The following PKP4 variants were observed in gnomAD, a reference collection of about 807,000 sequenced individuals.
PKP4 encodes plakophilin-4.
Under a neutral mutation model 145.1 loss-of-function variants are expected in PKP4, and 90 were observed. That is an observed-to-expected ratio of 0.62 (90% CI 0.52 to 0.74). The LOEUF is 0.74. Ranked by LOEUF, PKP4 falls within the 30% of genes least tolerant of loss-of-function variation. PKP4 has a pLI of 0.00. For synonymous variants in PKP4, 563 were observed against 577.2 expected, an observed-to-expected ratio of 0.98 and a Z score of 0.35; for missense variants, 1,340 against 1,482.7, an observed-to-expected ratio of 0.90 and a Z score of 1.58.
intron 21 of PKP4, chr2:158,679,467 G>A (rs1032930303): frequency 1.3e-5 from 2 of 152,194 alleles, no homozygotes; most frequent in African/African-American, 2.4e-5. Flanking sequence ...AAATAGACCA[G>A]AATCATAACT....
chr2:158,640,495 T>C lies in PKP4; in HGVS notation c.1563-132T>C, dbSNP rs546193250. On this transcript the variant is annotated intron_variant, in intron 9 of 21. Coordinates refer to ENST00000389759, the MANE Select transcript of PKP4 (RefSeq NM_003628.6). ...ATCAGGGGGAAAAATTATTTAGGTA[T>C]GTATTTTTTAGGATTTTTGTAACTT... is the stretch of plus-strand genomic sequence containing the variant. 977 of 828,588 alleles carry C rather than the reference T, an allele frequency of 1.2e-3. 2 individuals carry two copies. Among genetic ancestry groups the C allele is most frequent in the Middle Eastern group, 1.8e-3 (5 of 2,746 alleles). 51.3% of individuals were successfully genotyped at this position (828,588 alleles called of 1,614,324 possible). A position where few individuals can be genotyped will look rare whatever the true frequency, so the allele number is the denominator to read the frequency against.
Position 158,651,995 on chromosome 2 carries a change from C to T in PKP4, c.1910-6136C>T, listed in dbSNP as rs376931213. ...AGATGGCTCCCCTGTGTGTCTCCCT[C>T]GGAGTCTGGCATGAAGCAAGCAAGC... On this transcript the variant is annotated intron_variant, in intron 11 of 21. Transcript: ENST00000389759. 3.3e-5 allele frequency among the ~76,000 whole-genome samples: 5 copies of T among 152,204 alleles called. No individual in the cohort carries two copies. In the East Asian group the frequency reaches 5.8e-4, roughly 18 times the overall value.
At chr2:158,601,510 C>A (rs2050224878) in intron 3 of PKP4, among the ~76,000 whole-genome samples, 1 of 152,198 alleles carries the variant, frequency 6.6e-6, no homozygotes, top group Non-Finnish European at 1.5e-5. Flanking sequence ...AGTCACAAGA[C>A]AGTGATGGCC....
At chr2:158,471,250 A>G (rs1273816078) in intron 1 of PKP4, among the ~76,000 whole-genome samples, 2 of 152,210 alleles carry the variant, frequency 1.3e-5, no homozygotes, top group Non-Finnish European at 2.9e-5. Context: ...TCAGGGAGTA[A>G]GGAGGATAGG....
chr2:158,537,958 A>G (rs930654117), intron 2 of PKP4, among the ~76,000 whole-genome samples: 7 of 152,186 alleles, frequency 4.6e-5, no homozygotes, highest in Non-Finnish European at 7.3e-5. Flanking sequence ...TCAAGGCTGC[A>G]GTAAGCCGTG....
intron 6 of PKP4, among the ~76,000 whole-genome samples, 154 bp from the exon 7 acceptor site, chr2:158,624,724 A>G (rs1434959369): frequency 6.6e-6 from 1 of 152,020 alleles, no homozygotes; most frequent in East Asian, 1.9e-4. Flanking sequence ...AGGAAAAATT[A>G]ATGTCTGGCT....
intron 3 of PKP4, among the ~76,000 whole-genome samples, chr2:158,596,879 A>G (rs545066475): frequency 2.6e-5 from 4 of 152,314 alleles, no homozygotes; most frequent in East Asian, 1.9e-4. Flanking sequence ...AGTCTAGACT[A>G]TGGCGTATAG....
chr2:158,618,252 A>G (rs931593189), intron 4 of PKP4, among the ~76,000 whole-genome samples: 3 of 152,338 alleles, frequency 2.0e-5, no homozygotes, highest in Non-Finnish European at 4.4e-5. Context: ...ATATTAAATA[A>G]ATCTTTTATT....
Position 158,627,903 on chromosome 2 carries a change from G to A in PKP4, c.1153+2476G>A, listed in dbSNP as rs192554978. 4.0e-4 allele frequency among the ~76,000 whole-genome samples: 61 copies of A among 151,808 alleles called. 1 individual carries two copies. The East Asian group carries it at 0.01, about 25-fold the overall frequency. On this transcript the variant is annotated intron_variant, in intron 7 of 21. Coordinates refer to ENST00000389759, the MANE Select transcript of PKP4 (RefSeq NM_003628.6). ...TATCAGTGTTTTCCATTATTTGGAA[G>A]GGGAAGTAATGTTATTAAAAATTAA... is the stretch of plus-strand genomic sequence containing the variant.
chr2:158,581,572 A>C (rs2048333291), intron 3 of PKP4, among the ~76,000 whole-genome samples: 5 of 152,198 alleles, frequency 3.3e-5, no homozygotes, highest in Admixed American at 3.3e-4. Flanking sequence ...ATACCTGTTT[A>C]ATGACGCTTA....
intron 1 of PKP4, among the ~76,000 whole-genome samples, chr2:158,518,523 A>G (rs1329405790): frequency 6.6e-6 from 1 of 152,190 alleles, no homozygotes; most frequent in Non-Finnish European, 1.5e-5. Context: ...CACTAGTGTC[A>G]TTTCACTTTT....
chr2:158,526,812 A>G lies in PKP4; in HGVS notation c.-5-6368A>G, dbSNP rs1156545935. 7.9e-5 allele frequency among the ~76,000 whole-genome samples: 6 copies of G among 75,480 alleles called. 1 individual carries two copies. Among genetic ancestry groups the G allele is most frequent in the Admixed American group, 1.7e-4 (1 of 5,996 alleles). 49.5% of individuals were successfully genotyped at this position (75,480 alleles called of 152,430 possible). On this transcript the variant is annotated intron_variant, in intron 1 of 21. Transcript: ENST00000389759. ...TCTCAGGATACAAAATCAATTTACA[A>G]AAATCACAAGCATTCTTATACGCCA...
chr2:158,516,058 T>G (rs113110989), intron 1 of PKP4, among the ~76,000 whole-genome samples: 2 of 144,808 alleles, frequency 1.4e-5, no homozygotes, highest in Admixed American at 1.4e-4. Context: ...TTTTTTTTTT[T>G]TATACACATG....
At chr2:158,675,340 C>G (rs1353477701) in intron 19 of PKP4, among the ~76,000 whole-genome samples, 1 of 150,908 alleles carries the variant, frequency 6.6e-6, no homozygotes, top group Non-Finnish European at 1.5e-5. Flanking sequence ...TTTAGTTCCT[C>G]AGTTATTGTT....
chr2:158,554,906 C>G (rs1032128058), intron 2 of PKP4, among the ~76,000 whole-genome samples: 2 of 152,154 alleles, frequency 1.3e-5, no homozygotes, highest in Non-Finnish European at 2.9e-5. Flanking sequence ...GTAGCAAGAA[C>G]AGCAGGGGTC....
rs376258827 is a variant in PKP4 at position 158,522,208 on chromosome 2, A to C, written c.-5-10972A>C. Among the ~76,000 whole-genome samples, 20 of 152,336 alleles carry C rather than the reference A, an allele frequency of 1.3e-4. 2 individuals carry two copies. Among genetic ancestry groups the C allele is most frequent in the South Asian group, 1.2e-3 (6 of 4,810 alleles). ...AGTAGAAGGGAATTAAGTAGAGAAA[A>C]ATCCAGTATTTAGTTGATTTGCCAT... is the stretch of plus-strand genomic sequence containing the variant. On this transcript the variant is annotated intron_variant, in intron 1 of 21. Coordinates refer to ENST00000389759, the MANE Select transcript of PKP4 (RefSeq NM_003628.6).
At chr2:158,660,888 G>A (rs2056507823) in intron 12 of PKP4, 1 of 154,690 alleles carries the variant, frequency 6.5e-6, no homozygotes, top group Non-Finnish European at 1.4e-5. Context: ...TAACAAGGGA[G>A]GTGAAGCATG....
chr2:158,591,912 T>C (rs1445920585), intron 3 of PKP4, among the ~76,000 whole-genome samples: 1 of 152,102 alleles, frequency 6.6e-6, no homozygotes, highest in Non-Finnish European at 1.5e-5. Flanking sequence ...AATTGTCATT[T>C]CTTTTTGGAT....
intron 16 of PKP4, among the ~76,000 whole-genome samples, chr2:158,668,669 CACATTTATCTTGTGGCCTT>C (rs2057322888): frequency 6.6e-6 from 1 of 152,176 alleles, no homozygotes; most frequent in African/African-American, 2.4e-5. Context: ...CTCTGAAAAC[CACATTTATCTTGTGGCCTT>C]ACAGTGTCAG....
Sources: gnomAD v4.1 joint callset for allele counts (sites outside exome capture counted in the v4.1 genomes callset) on GRCh38, gnomAD v4.1.1 for gene constraint, MANE v1.5 for transcripts, NCBI Gene and HGNC (gene_info 2026-07-23, HGNC 2026-07-21) for gene names.